DNAH8: variants seen among roughly 807,000 people sequenced by gnomAD.
DNAH8 encodes the protein dynein axonemal heavy chain 8, also known as axonemal beta dynein heavy chain 8.
A neutral mutation model predicts 562.1 loss-of-function variants in DNAH8; 382 were observed. The observed-to-expected ratio is 0.68, with a 90% CI of 0.63 to 0.74. DNAH8 has a LOEUF of 0.74. DNAH8 is among the 30% of genes least tolerant of loss of function. The probability of loss-of-function intolerance (pLI) is 0.00; values close to 1 mark genes in which losing one functional copy is unlikely to be tolerated. For missense variants in DNAH8, 5,203 were observed against 5,620.4 expected (o/e 0.93, Z 2.37); for synonymous variants, 1,881 against 1,919.4 (o/e 0.98, Z 0.52).
intron 11 of DNAH8, chr6:38,764,145 A>C (rs551379513): frequency 1.3e-5 from 2 of 153,348 alleles, no homozygotes; most frequent in Non-Finnish European, 2.9e-5. Context: ...TCATCTACAA[A>C]AACACTAGGA....
intron 56 of DNAH8, among the ~76,000 whole-genome samples, chr6:38,884,881 A>T (rs1273501875): frequency 6.6e-6 from 1 of 152,182 alleles, no homozygotes; most frequent in Non-Finnish European, 1.5e-5. Context: ...CGGTGTTGCC[A>T]GAAGTCCGCA....
At chr6:38,844,942 C>G (rs1290609587) in intron 35 of DNAH8, among the ~76,000 whole-genome samples, 2 of 152,156 alleles carry the variant, frequency 1.3e-5, no homozygotes, top group Non-Finnish European at 2.9e-5. Flanking sequence ...GTGTTAAGAT[C>G]ATTTGTGGAA....
intron 15 of DNAH8, among the ~76,000 whole-genome samples, chr6:38,780,605 C>T (rs1768487820): frequency 6.6e-6 from 1 of 152,056 alleles, no homozygotes; most frequent in Non-Finnish European, 1.5e-5. Flanking sequence ...AAACCGAATA[C>T]CACATGTTCT....
chr6:38,937,585 G>GTGGACAA (rs1054720521), intron 77 of DNAH8, among the ~76,000 whole-genome samples: 30 of 152,150 alleles, frequency 2.0e-4, no homozygotes, highest in Admixed American at 9.2e-4. Flanking sequence ...GACAAGCAGC[G>GTGGACAA]TGGACAAGCT....
chr6:38,845,478 G>A, intron 35 of DNAH8, 96 bp from the exon 36 acceptor site: 2 of 859,076 alleles, frequency 2.3e-6, no homozygotes, highest in East Asian at 2.6e-5. Flanking sequence ...GTGACTTACA[G>A]GTCCCTTTCA....
At chr6:38,992,219 C>T (rs372378366) in intron 88 of DNAH8, among the ~76,000 whole-genome samples, 2 of 152,176 alleles carry the variant, frequency 1.3e-5, no homozygotes, top group African/African-American at 4.8e-5. Flanking sequence ...CCGCCCACCT[C>T]GGCCTCCCAA....
chr6:38,861,168 T>C (rs1776592679), intron 43 of DNAH8, among the ~76,000 whole-genome samples: 1 of 152,214 alleles, frequency 6.6e-6, no homozygotes, highest in Admixed American at 6.5e-5. Context: ...TTGACTTAAA[T>C]TGCGTTCTTT....
chr6:38,813,046 G>GTA (rs766599748), intron 24 of DNAH8, among the ~76,000 whole-genome samples: 20 of 151,990 alleles, frequency 1.3e-4, no homozygotes, highest in Admixed American at 3.3e-4. Flanking sequence ...CTCTCTCTTT[G>GTA]TATTTTGCAC....
intron 88 of DNAH8, among the ~76,000 whole-genome samples, chr6:39,002,456 A>G (rs149769842): frequency 6.6e-6 from 1 of 152,160 alleles, no homozygotes; most frequent in East Asian, 1.9e-4. Context: ...ACTTATTTGT[A>G]TTTTTCTTAT....
Position 38,915,388 on chromosome 6 carries a change from C to A in DNAH8, c.10140+11C>A, listed in dbSNP as rs1288476805. ...GAAGCAGCCCTGAATGTGAGCAGTG[C>A]ATTGTTACCCCTTCCAACACAAGTC... On this transcript the variant is annotated intron_variant, in intron 68 of 92. Transcript: ENST00000327475. 6 of 1,537,996 alleles carry A rather than the reference C, an allele frequency of 3.9e-6. No homozygotes were observed. The highest frequency in any genetic ancestry group is 4.3e-6 in the Non-Finnish European group (5 of 1,149,864).
intron 3 of DNAH8, among the ~76,000 whole-genome samples, chr6:38,724,097 G>C (rs1427505654): frequency 6.6e-6 from 1 of 151,558 alleles, no homozygotes; most frequent in African/African-American, 2.4e-5. Flanking sequence ...CCTGCCTCAG[G>C]CTCCCGAGTA....
chr6:38,906,847 C>G (rs927463173), intron 63 of DNAH8, among the ~76,000 whole-genome samples: 2 of 152,138 alleles, frequency 1.3e-5, no homozygotes, highest in African/African-American at 4.8e-5. Context: ...TCAGCATATA[C>G]AGGTCGAGCT....
intron 18 of DNAH8, among the ~76,000 whole-genome samples, chr6:38,788,550 C>CT (rs1444141812): frequency 6.6e-6 from 1 of 152,298 alleles, no homozygotes; most frequent in South Asian, 2.1e-4. Context: ...TTTTGAGCAT[C>CT]TTTTCATATG....
chr6:38,715,838 G>A (rs1165841679), intron 1 of DNAH8, among the ~76,000 whole-genome samples: 2 of 103,966 alleles, frequency 1.9e-5, no homozygotes. Flanking sequence ...TGACCCTGAA[G>A]TCTCAGACTT....
rs537371504 is a variant in DNAH8 at position 38,731,399 on chromosome 6, T to TTTGATAATATTGG, written c.610+1413_610+1414insTTGATAATATTGG. Among the ~76,000 whole-genome samples the TTTGATAATATTGG allele has an allele frequency of 1.9e-3, 287 of 152,358 alleles. 1 individual carries two copies. The highest frequency in any genetic ancestry group is 6.4e-3 in the African/African-American group (267 of 41,582). On this transcript the variant is annotated intron_variant, in intron 4 of 92. Transcript: ENST00000327475. The stretch of plus-strand genomic sequence containing the variant: ...CTGTTTAATTTTGATAATATTGTCT[T>TTTGATAATATTGG]CTTTATGCCAATAAATACATTTATC...
rs531850727 is a variant in DNAH8, at chr6:38,788,509, A to G, written c.2584-1294A>G. Among the ~76,000 whole-genome samples the G allele has an allele frequency of 4.6e-5, 7 of 151,924 alleles. No homozygotes were observed. In the East Asian group the frequency reaches 9.7e-4, roughly 21 times the overall value. ...GAGTGTGAGGTGGTATCTCCTTTTG[A>G]TTTTGTTTCATTTCCCTAATGGCTG... On this transcript the variant is annotated intron_variant, in intron 18 of 92. Coordinates refer to ENST00000327475, the MANE Select transcript of DNAH8 (RefSeq NM_001206927.2).
At chr6:38,970,061 G>A (rs1377554260) in intron 82 of DNAH8, among the ~76,000 whole-genome samples, 4 of 152,056 alleles carry the variant, frequency 2.6e-5, no homozygotes, top group Non-Finnish European at 4.4e-5. Context: ...CCTCTAAATC[G>A]CCTCTTGACC....
Position 39,024,019 on chromosome 6 carries a change from A to G in DNAH8, c.13715-2527A>G, listed in dbSNP as rs77873070. Among the ~76,000 whole-genome samples the G allele has an allele frequency of 1.7e-4, 26 of 152,338 alleles. No individual in the cohort carries two copies. The East Asian group carries it at 5.0e-3, about 29-fold the overall frequency. On this transcript the variant is annotated intron_variant, in intron 91 of 92. Coordinates refer to ENST00000327475, the MANE Select transcript of DNAH8 (RefSeq NM_001206927.2). ...CTCCCCATTAGGGAGAAGATAAGAC[A>G]TGATGTCTCCTTATTTTCACTAGAG...
chr6:38,782,027 CAGT>C (rs1331100441), intron 16 of DNAH8, among the ~76,000 whole-genome samples: 1 of 151,980 alleles, frequency 6.6e-6, no homozygotes, highest in East Asian at 1.9e-4. Context: ...AACTACAAAA[CAGT>C]AGTTTTGCAA....
Sources: gnomAD v4.1 joint callset for allele counts (sites outside exome capture counted in the v4.1 genomes callset) on GRCh38, gnomAD v4.1.1 for gene constraint, MANE v1.5 for transcripts, NCBI Gene and HGNC (gene_info 2026-07-23, HGNC 2026-07-21) for gene names.